The following TOPBP1 variants were observed in gnomAD, a reference collection of about 807,000 sequenced individuals.
TOPBP1 encodes the protein DNA topoisomerase II binding protein 1, also known as DNA topoisomerase 2-binding protein 1.
Under a neutral mutation model 167.7 loss-of-function variants are expected in TOPBP1, and 28 were observed. That is an observed-to-expected ratio of 0.17 (90% CI 0.12 to 0.23). The LOEUF is 0.23. Ranked by LOEUF, TOPBP1 falls within the 10% of genes least tolerant of loss-of-function variation. TOPBP1 has a pLI of 1.00. For missense variants in TOPBP1, 1,554 were observed against 1,809.6 expected (o/e 0.86, Z 2.56); for synonymous variants, 598 against 611.4 (o/e 0.98, Z 0.32).
chr3:133,639,228 T>C (rs542358537), intron 13 of TOPBP1, among the ~76,000 whole-genome samples: 4 of 152,206 alleles, frequency 2.6e-5, no homozygotes, highest in South Asian at 4.1e-4. Flanking sequence ...CTATCAATGA[T>C]AGACTGGATT....
At chr3:133,631,280 T>A (rs1935468347) in intron 14 of TOPBP1, among the ~76,000 whole-genome samples, 3 of 152,212 alleles carry the variant, frequency 2.0e-5, no homozygotes, top group Admixed American at 2.0e-4. Flanking sequence ...GCTACCTAAT[T>A]GTCCAATTTG....
chr3:133,647,047 A>T (rs76299719), intron 10 of TOPBP1, among the ~76,000 whole-genome samples: 1 of 152,316 alleles, frequency 6.6e-6, no homozygotes, highest in African/African-American at 2.4e-5. Flanking sequence ...TTGGTTTCAT[A>T]AAACTTAGAG....
Position 133,652,724 on chromosome 3 carries a change from TAAAC to T in TOPBP1, c.923-99_923-96del, listed in dbSNP as rs1936346387. 4 of 1,032,536 alleles carry T rather than the reference TAAAC, an allele frequency of 3.9e-6. No individual in the cohort carries two copies. In the South Asian group the frequency reaches 5.0e-5, roughly 13 times the overall value. The allele number at this position is 1,032,536 out of a possible 1,614,324, so 64.0% of individuals were successfully genotyped here. A position where few individuals can be genotyped will look rare whatever the true frequency, so the allele number is the denominator to read the frequency against. On this transcript the variant is annotated intron_variant, in intron 7 of 27. Transcript: ENST00000260810. ...AACTTTTCTTACAAATATAGGGCAA[TAAAC>T]AACTTCCAAAGTAAGATTCAGGGGT...
At chr3:133,612,631 G>T in intron 23 of TOPBP1, 79 bp from the exon 24 acceptor site, 1 of 1,314,786 alleles carries the variant, frequency 7.6e-7, no homozygotes. Context: ...ACTACGCATA[G>T]AAATTATTTA....
chr3:133,641,520 A>C (rs1284752159), intron 12 of TOPBP1, among the ~76,000 whole-genome samples: 1 of 152,054 alleles, frequency 6.6e-6, no homozygotes, highest in Non-Finnish European at 1.5e-5. Context: ...TTTATGCTAC[A>C]TTGCCTGGCT....
intron 19 of TOPBP1, among the ~76,000 whole-genome samples, chr3:133,621,394 C>G (rs994895411): frequency 6.6e-6 from 1 of 151,868 alleles, no homozygotes; most frequent in African/African-American, 2.4e-5. Context: ...TGGATTCAAC[C>G]AAGTATGGAT....
intron 4 of TOPBP1, among the ~76,000 whole-genome samples, 193 bp downstream of exon 4, chr3:133,657,605 A>G (rs1256403029): frequency 6.6e-6 from 1 of 152,238 alleles, no homozygotes; most frequent in African/African-American, 2.4e-5. Flanking sequence ...TCAACAAAAC[A>G]AATTCTACTA....
At chr3:133,615,140 T>C (rs1305238523) in intron 23 of TOPBP1, among the ~76,000 whole-genome samples, 1 of 152,030 alleles carries the variant, frequency 6.6e-6, no homozygotes, top group African/African-American at 2.4e-5. Flanking sequence ...TAAATAACAT[T>C]TAATCTTTTC....
Position 133,601,190 on chromosome 3 carries a change from A to G in TOPBP1, c.*60T>C. ...ATTACTACCCAAATCTATCACAGTC[A>G]CATTCAGGCTTTCAATTTTTAAAAA... On this transcript the variant is annotated 3_prime_UTR_variant, in exon 28 of 28. Coordinates refer to ENST00000260810, the MANE Select transcript of TOPBP1 (RefSeq NM_007027.4). 7.0e-7 allele frequency: 1 copy of G among 1,436,046 alleles called. No individual in the cohort carries two copies. The allele number at this position is 1,436,046 out of a possible 1,614,324, so 89.0% of individuals were successfully genotyped here. A position where few individuals can be genotyped will look rare whatever the true frequency, so the allele number is the denominator to read the frequency against.
At chr3:133,629,946 C>T (rs1251347307) in intron 14 of TOPBP1, among the ~76,000 whole-genome samples, 1 of 152,038 alleles carries the variant, frequency 6.6e-6, no homozygotes, top group Non-Finnish European at 1.5e-5. Context: ...ACCACCATGC[C>T]TGGCTAATTT....
At chr3:133,616,261 A>C (rs1934874645) in intron 23 of TOPBP1, among the ~76,000 whole-genome samples, 1 of 152,020 alleles carries the variant, frequency 6.6e-6, no homozygotes, top group African/African-American at 2.4e-5. Context: ...CTAGGATCAC[A>C]GGCATGTGCC....
chr3:133,638,107 T>G lies in TOPBP1; in HGVS notation c.2289A>C (p.Ala763=), dbSNP rs1167011202. 5 of 1,613,906 alleles carry G rather than the reference T, an allele frequency of 3.1e-6. No homozygotes were observed. The African/African-American group carries it at 6.7e-5, about 22-fold the overall frequency. ...TNGINLNSDT[A]EHPGTRLQTH... is the part of the protein sequence containing the mutation. ...TTTGCAGGCGTGTGCCAGGATGCTC[T>G]GCAGTATCTGAATTTAGATTGATTC... Residue 763 remains alanine, a synonymous_variant, in exon 14 of 28, where the codon GCA becomes GCC. Transcript: ENST00000260810.
chr3:133,649,992 GA>G (rs752354439), intron 8 of TOPBP1, 49 bp from the exon 9 acceptor site: 3 of 1,408,156 alleles, frequency 2.1e-6, no homozygotes, highest in Non-Finnish European at 1.9e-6. Context: ...TCTCTCAATA[GA>G]AAAAAACTAA....
chr3:133,629,785 GTA>G (rs966078833), intron 14 of TOPBP1, among the ~76,000 whole-genome samples: 5 of 150,406 alleles, frequency 3.3e-5, no homozygotes, highest in Admixed American at 6.6e-5. Context: ...GTGTGTGTGT[GTA>G]TATATATATA....
chr3:133,602,212 T>C (rs1934328641), intron 27 of TOPBP1, among the ~76,000 whole-genome samples: 1 of 152,160 alleles, frequency 6.6e-6, no homozygotes, highest in Non-Finnish European at 1.5e-5. Flanking sequence ...CATCACTGAT[T>C]TCTCAACAGA....
chr3:133,607,170 A>C (rs1559804900), intron 27 of TOPBP1, among the ~76,000 whole-genome samples: 2 of 152,158 alleles, frequency 1.3e-5, no homozygotes, highest in Non-Finnish European at 2.9e-5. Flanking sequence ...TTAGAATCAG[A>C]AGTATTTCAG....
chr3:133,659,152 TGAAA>T lies in TOPBP1; in HGVS notation c.85-6_85-3del, dbSNP rs771103328. On this transcript the variant is annotated splice_polypyrimidine_tract_variant and splice_region_variant and intron_variant, in intron 2 of 27. Transcript: ENST00000260810. ...TTCTGATTGGAATTCTTTTATGGACTGAAAGAAAAAATAAAATAAGAATGTACCT... is the reference window on the plus strand; with the variant it reads ...TTCTGATTGGAATTCTTTTATGGACTGAAAAAATAAAATAAGAATGTACCT... 30 of 1,551,392 alleles carry T rather than the reference TGAAA, an allele frequency of 1.9e-5. No individual in the cohort carries two copies. Among genetic ancestry groups the T allele is most frequent in the Admixed American group, 4.2e-5 (2 of 47,802 alleles).
chr3:133,629,181 G>C (rs1355102538), intron 14 of TOPBP1, among the ~76,000 whole-genome samples: 1 of 151,984 alleles, frequency 6.6e-6, no homozygotes, highest in Non-Finnish European at 1.5e-5. Context: ...ATCTTCAAAA[G>C]TTCAAAATAT....
rs1936113156 is a variant in TOPBP1, at chr3:133,647,388, C to T, written c.1504+1995G>A. Among the ~76,000 whole-genome samples the T allele has an allele frequency of 3.3e-5, 5 of 152,268 alleles. No individual in the cohort carries two copies. In the South Asian group the frequency reaches 8.3e-4, roughly 25 times the overall value. On this transcript the variant is annotated intron_variant, in intron 10 of 27. Transcript: ENST00000260810. Reference sequence around the variant, plus strand: ...CATGAACCTTTTCTGGGGTAACAAACCCCTACCCCAAGTTTCTTAGAATTC... The same window carrying T: ...CATGAACCTTTTCTGGGGTAACAAATCCCTACCCCAAGTTTCTTAGAATTC...
Sources: gnomAD v4.1 joint callset for allele counts (sites outside exome capture counted in the v4.1 genomes callset) on GRCh38, gnomAD v4.1.1 for gene constraint, MANE v1.5 for transcripts, NCBI Gene and HGNC (gene_info 2026-07-23, HGNC 2026-07-21) for gene names.